The following MAN1C1 variants were observed in gnomAD, a reference collection of about 807,000 sequenced individuals.
MAN1C1 encodes mannosidase alpha class 1C member 1.
A neutral mutation model predicts 71.5 loss-of-function variants in MAN1C1; 49 were observed. The ratio of observed to expected loss-of-function variants is 0.69; its 90% CI spans 0.54 to 0.87. The LOEUF (loss-of-function observed/expected upper bound fraction) is 0.87, where lower values mean the gene tolerates loss of function less well. Ranked by LOEUF, MAN1C1 falls within the 40% of genes least tolerant of loss-of-function variation. The pLI, the probability that MAN1C1 is intolerant of heterozygous loss-of-function variation, is 0.00. For missense variants in MAN1C1, 743 were observed against 835.0 expected (o/e 0.89, Z 1.36); for synonymous variants, 352 against 343.7 (o/e 1.02, Z -0.27).
chr1:25,688,337 TC>T (rs1194942084), intron 2 of MAN1C1, among the ~76,000 whole-genome samples: 4 of 152,232 alleles, frequency 2.6e-5, no homozygotes, highest in African/African-American at 4.8e-5. Context: ...CTGGTGCAGA[TC>T]CCATCAAAGT....
At chr1:25,644,606 G>A (rs12095324) in intron 1 of MAN1C1, 13 of 139,112 alleles carry the variant, frequency 9.3e-5, no homozygotes, top group Non-Finnish European at 1.8e-4. Flanking sequence ...GCTCACTGTA[G>A]CGTCCGTCTC....
At chr1:25,644,518 ATTTTTTTTTTTT>A (rs1203077345) in intron 1 of MAN1C1, 1 of 40,286 alleles carries the variant, frequency 2.5e-5, no homozygotes, top group Non-Finnish European at 3.6e-5. Flanking sequence ...ATATATATAT[ATTTTTTTTTTTT>A]TTTTTTTTTT....
At chr1:25,681,077 T>G (rs12032634) in intron 1 of MAN1C1, among the ~76,000 whole-genome samples, 3 of 151,156 alleles carry the variant, frequency 2.0e-5, no homozygotes, top group Non-Finnish European at 4.4e-5. Flanking sequence ...AAAAAAAATC[T>G]ACTAAAAAAG....
Position 25,778,049 on chromosome 1 carries a change from CT to C in MAN1C1, c.1258-54del, listed in dbSNP as rs2047641766. ...TGTTCATTTTCCATCCTTTCCCCCC[CT>C]TCTCTGTGCCCTCCCACGCCCCTTC... On this transcript the variant is annotated intron_variant, in intron 8 of 11. Coordinates refer to ENST00000374332, the MANE Select transcript of MAN1C1 (RefSeq NM_020379.4). The surrounding 1 kb of genome is among the most constrained non-coding windows in gnomAD (Gnocchi z 5.5). 2 of 1,330,172 alleles carry C rather than the reference CT, an allele frequency of 1.5e-6. No individual in the cohort carries two copies. The highest frequency in any genetic ancestry group is 2.1e-6 in the Non-Finnish European group (2 of 970,258). The allele number at this position is 1,330,172 out of a possible 1,614,324, so 82.4% of individuals were successfully genotyped here.
intron 1 of MAN1C1, among the ~76,000 whole-genome samples, chr1:25,628,303 A>ATTTATT: frequency 6.6e-6 from 1 of 151,700 alleles, no homozygotes; most frequent in Middle Eastern, 3.4e-3. Flanking sequence ...TTAAAATTTC[A>ATTTATT]TTTATTTTTA....
At chr1:25,752,483 T>C (rs1478422754) in intron 4 of MAN1C1, among the ~76,000 whole-genome samples, 1 of 152,230 alleles carries the variant, frequency 6.6e-6, no homozygotes, top group African/African-American at 2.4e-5. Flanking sequence ...ATCATTTCAA[T>C]AGCTGCATGG....
chr1:25,770,795 C>T (rs868558006), intron 7 of MAN1C1, among the ~76,000 whole-genome samples: 5 of 151,888 alleles, frequency 3.3e-5, no homozygotes, highest in African/African-American at 7.3e-5. Context: ...CCCCCCGCCC[C>T]GCCTTCAGTC....
chr1:25,641,316 C>G (rs755048034), intron 1 of MAN1C1, among the ~76,000 whole-genome samples: 78 of 152,306 alleles, frequency 5.1e-4, no homozygotes, highest in Admixed American at 1.4e-3. Flanking sequence ...TGTGACCAAC[C>G]CCAGGTCCCA....
intron 1 of MAN1C1, among the ~76,000 whole-genome samples, chr1:25,668,489 C>T (rs1049150556): frequency 3.3e-5 from 5 of 151,880 alleles, no homozygotes; most frequent in African/African-American, 4.8e-5. Flanking sequence ...GAGAAAAGAA[C>T]GGTTAACATG....
chr1:25,747,920 A>G (rs1052963942), intron 3 of MAN1C1, among the ~76,000 whole-genome samples: 2 of 152,244 alleles, frequency 1.3e-5, no homozygotes, highest in African/African-American at 4.8e-5. Context: ...ATACTGATGT[A>G]AAGTGAGGTC....
chr1:25,723,548 T>G (rs2046794721), intron 2 of MAN1C1, among the ~76,000 whole-genome samples: 1 of 152,206 alleles, frequency 6.6e-6, no homozygotes, highest in African/African-American at 2.4e-5. Flanking sequence ...TCTTCCCTGG[T>G]TGTTCTATCT....
intron 1 of MAN1C1, among the ~76,000 whole-genome samples, chr1:25,670,442 C>G (rs1366432122): frequency 6.6e-6 from 1 of 152,252 alleles, no homozygotes; most frequent in Non-Finnish European, 1.5e-5. Context: ...GCTCCAGGCT[C>G]TGCTGGGGCA....
At chr1:25,640,604 A>G (rs1478875964) in intron 1 of MAN1C1, among the ~76,000 whole-genome samples, 1 of 152,202 alleles carries the variant, frequency 6.6e-6, no homozygotes, top group Admixed American at 6.5e-5. Flanking sequence ...ATAAAATAGA[A>G]TCAATTTTGC....
At chr1:25,703,977 A>G (rs2046481663) in intron 2 of MAN1C1, among the ~76,000 whole-genome samples, 1 of 152,154 alleles carries the variant, frequency 6.6e-6, no homozygotes, top group Non-Finnish European at 1.5e-5. Flanking sequence ...CTGTCTGCCC[A>G]GTTCCTGGTT....
chr1:25,697,021 T>C (rs776034562), intron 2 of MAN1C1, among the ~76,000 whole-genome samples: 2 of 152,258 alleles, frequency 1.3e-5, no homozygotes, highest in Admixed American at 6.5e-5. Flanking sequence ...ATACTGCATG[T>C]ACTCTTTTAT....
At chr1:25,649,583 G>A (rs898016526) in intron 1 of MAN1C1, among the ~76,000 whole-genome samples, 8 of 152,160 alleles carry the variant, frequency 5.3e-5, no homozygotes, top group Non-Finnish European at 7.4e-5. Context: ...CCATATTAGC[G>A]GACCCTTTGA....
At position 25,731,775 on chromosome 1, in the gene MAN1C1, G is replaced by A. The variant is rs532699659; in HGVS notation, c.638-14893G>A. On this transcript the variant is annotated intron_variant, in intron 2 of 11. Coordinates refer to ENST00000374332, the MANE Select transcript of MAN1C1 (RefSeq NM_020379.4). ...GTGGGCTGGTCTCCTCTTTACTGAT[G>A]CTGGGAGTAAACCAGATGGATTCGT... Among the ~76,000 whole-genome samples, 10 of 152,314 alleles carry A rather than the reference G, an allele frequency of 6.6e-5. No individual in the cohort carries two copies. The East Asian group carries it at 1.7e-3, about 26-fold the overall frequency.
chr1:25,758,026 A>G (rs1321024257), intron 5 of MAN1C1, among the ~76,000 whole-genome samples: 2 of 152,214 alleles, frequency 1.3e-5, no homozygotes, highest in Non-Finnish European at 2.9e-5. Context: ...TGCCTGTCCT[A>G]TGTAGGTTCC....
intron 1 of MAN1C1, among the ~76,000 whole-genome samples, chr1:25,663,431 C>T (rs1169783884): frequency 6.6e-6 from 1 of 151,990 alleles, no homozygotes; most frequent in Non-Finnish European, 1.5e-5. Context: ...CATATGTTGC[C>T]ATAAGGTTTA....
Sources: allele counts gnomAD v4.1 joint callset (sites outside exome capture counted in the v4.1 genomes callset), GRCh38; gene constraint gnomAD v4.1.1; non-coding constraint Gnocchi (gnomAD v3.1); transcripts MANE v1.5; gene names NCBI Gene and HGNC (gene_info 2026-07-23, HGNC 2026-07-21).